The following CNOT1 variants were observed in gnomAD, a reference collection of about 807,000 sequenced individuals.
CNOT1 encodes the protein CCR4-associated factor 1.
Under a neutral mutation model 273.8 loss-of-function variants are expected in CNOT1, and 15 were observed. The ratio of observed to expected loss-of-function variants is 0.05; its 90% confidence interval spans 0.04 to 0.08. CNOT1 has a LOEUF of 0.08. CNOT1 is among the 10% of genes least tolerant of loss of function. CNOT1 has a pLI of 1.00. For synonymous variants in CNOT1, 1,022 were observed against 1,005.5 expected (o/e 1.02, Z -0.31); for missense variants, 1,644 against 2,912.2 (o/e 0.56, Z 10.02).
intron 1 of CNOT1, chr16:58,623,241 A>C (rs551926615): frequency 6.6e-6 from 1 of 152,298 alleles, no homozygotes; most frequent in South Asian, 2.1e-4. Flanking sequence ...TATTTCAAAT[A>C]ATTACTTCAA....
Position 58,551,837 on chromosome 16 carries a change from G to A in CNOT1, c.2971-18C>T, listed in dbSNP as rs1479938241. 9 of 1,610,158 alleles carry A rather than the reference G, an allele frequency of 5.6e-6. No homozygotes were observed. In the Admixed American group the frequency reaches 8.4e-5, roughly 15 times the overall value. On this transcript the variant is annotated intron_variant, in intron 22 of 48. Transcript: ENST00000317147. Reference sequence around the variant, plus strand: ...TCAATATACTAAAAGGGTAGGGAGAGGAAAAAGAGTTAACCTTAATTGCTA... The same window carrying A: ...TCAATATACTAAAAGGGTAGGGAGAAGAAAAAGAGTTAACCTTAATTGCTA...
chr16:58,560,414 T>A, intron 16 of CNOT1, 52 bp from the exon 17 acceptor site: 1 of 1,573,068 alleles, frequency 6.4e-7, no homozygotes, highest in Non-Finnish European at 8.6e-7. Context: ...CTCTAGCACA[T>A]GTAAGTAAAC....
chr16:58,594,899 G>A (rs998211472), intron 2 of CNOT1, among the ~76,000 whole-genome samples: 28 of 151,930 alleles, frequency 1.8e-4, no homozygotes, highest in African/African-American at 6.8e-4. Context: ...GGTGGATCAT[G>A]AGGTAAGGAG....
chr16:58,534,306 A>C lies in CNOT1; in HGVS notation c.5736T>G (p.Arg1912=). ...GATTGTGCTGCTGCTCAGCCTGAGCACGGTAACTGATTTCAACACACATTT... is the reference window on the plus strand; with the variant it reads ...GATTGTGCTGCTGCTCAGCCTGAGCCCGGTAACTGATTTCAACACACATTT... The part of the protein sequence containing the change: ...CTEMCVEISY[R]AQAEQQHNPA... The change falls in exon 40 of 49, where the codon CGT becomes CGG. Residue 1912 remains arginine (R), a synonymous_variant. Transcript: ENST00000317147. The C allele has an allele frequency of 1.2e-6, 2 of 1,614,184 alleles. No individual in the cohort carries two copies. Among genetic ancestry groups the C allele is most frequent in the Non-Finnish European group, 1.7e-6 (2 of 1,180,048 alleles).
At position 58,523,721 on chromosome 16, in the gene CNOT1, A is replaced by G. The variant is rs2039485401; in HGVS notation, c.6785-219T>C. ...GATTTTAAAAATATTCATTTTTAAA[A>G]ACAGACCCACTATGTGCTAATGTAA... On this transcript the variant is annotated intron_variant, in intron 46 of 48. Coordinates refer to ENST00000317147, the MANE Select transcript of CNOT1 (RefSeq NM_016284.5). The G allele has an allele frequency of 1.7e-5, 7 of 417,480 alleles. No homozygotes were observed. The South Asian group carries it at 2.7e-4, about 16-fold the overall frequency. 25.9% of individuals were successfully genotyped at this position (417,480 alleles called of 1,614,324 possible). A position where few individuals can be genotyped will look rare whatever the true frequency, so the allele number is the denominator to read the frequency against.
At chr16:58,575,233 C>T in intron 14 of CNOT1, 104 bp from the exon 15 acceptor site, 2 of 1,480,030 alleles carry the variant, frequency 1.4e-6, no homozygotes, top group South Asian at 2.6e-5. Flanking sequence ...AAATAAAACA[C>T]ACTGCTAATA....
chr16:58,560,430 G>T (rs1403760336), intron 16 of CNOT1, 68 bp from the exon 17 acceptor site: 1 of 1,483,238 alleles, frequency 6.7e-7, no homozygotes, highest in African/African-American at 1.9e-5. Context: ...TAAACCAACC[G>T]ATCTGATTTT....
intron 21 of CNOT1, 81 bp from the exon 22 acceptor site, chr16:58,553,941 C>A: frequency 6.9e-7 from 1 of 1,455,544 alleles, no homozygotes; most frequent in Non-Finnish European, 9.0e-7. Context: ...AAATGCTAAT[C>A]TAGGTCATTT....
rs778721788 is a variant in CNOT1, at chr16:58,582,745, A to AT, written c.1044+47dup. On this transcript the variant is annotated intron_variant, in intron 10 of 48. Transcript: ENST00000317147. ...CTTAAAAATTTGCTTTCTTTGGACTATATCATTCAAATACCACAAATCAAA... is the reference window on the plus strand; with the variant it reads ...CTTAAAAATTTGCTTTCTTTGGACTATTATCATTCAAATACCACAAATCAAA... 1.2e-5 allele frequency: 13 copies of AT among 1,098,724 alleles called. No homozygotes were observed. In the East Asian group the frequency reaches 3.1e-4, roughly 26 times the overall value. 68.1% of individuals were successfully genotyped at this position (1,098,724 alleles called of 1,614,324 possible). A position where few individuals can be genotyped will look rare whatever the true frequency, so the allele number is the denominator to read the frequency against.
chr16:58,528,859 T>C (rs2039683247), intron 43 of CNOT1, among the ~76,000 whole-genome samples: 1 of 151,694 alleles, frequency 6.6e-6, no homozygotes, highest in Admixed American at 6.6e-5. Context: ...ATCAAGAGTT[T>C]ACAGGCTGAA....
intron 40 of CNOT1, 83 bp from the exon 41 acceptor site, chr16:58,532,478 T>C: frequency 6.5e-7 from 1 of 1,540,236 alleles, no homozygotes; most frequent in South Asian, 1.2e-5. Context: ...AAACTTTGCA[T>C]TCTTAAACCC....
intron 1 of CNOT1, chr16:58,624,881 G>T (rs931011893): frequency 6.6e-6 from 1 of 151,972 alleles, no homozygotes; most frequent in African/African-American, 2.4e-5. Flanking sequence ...CTCAAACTAC[G>T]CTTTCCAGTG....
intron 2 of CNOT1, among the ~76,000 whole-genome samples, chr16:58,592,967 AG>A (rs1269021971): frequency 1.3e-5 from 2 of 152,198 alleles, no homozygotes; most frequent in African/African-American, 4.8e-5. Flanking sequence ...GAAAACAGAA[AG>A]GGGAGACTAC....
At chr16:58,532,459 A>C in intron 40 of CNOT1, 64 bp from the exon 41 acceptor site, 1 of 1,568,408 alleles carries the variant, frequency 6.4e-7, no homozygotes, top group Non-Finnish European at 8.7e-7. Flanking sequence ...CTTCGATGTC[A>C]TGCTTTTTAA....
chr16:58,581,868 G>A (rs548066143), intron 10 of CNOT1, among the ~76,000 whole-genome samples: 1 of 151,958 alleles, frequency 6.6e-6, no homozygotes. Context: ...TCGCCATGCT[G>A]GCCAGGATGG....
Position 58,523,457 on chromosome 16 carries a change from G to A in CNOT1, c.6830C>T (p.Pro2277Leu). 1 of 1,613,976 alleles carries A rather than the reference G, an allele frequency of 6.2e-7. No individual in the cohort carries two copies. Among genetic ancestry groups the A allele is most frequent in the African/African-American group, 1.3e-5 (1 of 75,038 alleles). Residue 2277 changes from proline (P) to leucine (L), a missense_variant, in exon 47 of 49, where the codon CCA becomes CTA. By Grantham distance (98) the Pro-to-Leu change is moderately conservative (BLOSUM62 -3). This residue lies in a region of CNOT1 where 140 missense variants were observed against 324.6 expected (regional missense o/e 0.43). Transcript: ENST00000317147. ...LNAIANQLRY[P>L]NSHTHYFSCT... is the part of the protein sequence containing the mutation. ...ACTGAAGTAGTGAGTGTGGCTATTT[G>A]GGTACCGGAGCTGATTTGCAATTGC...
rs140641369 is a variant in CNOT1, at chr16:58,546,272, A to G, written c.4006+49T>C. 554 of 1,478,338 alleles carry G rather than the reference A, an allele frequency of 3.7e-4. 2 individuals are homozygous for G. The African/African-American group carries it at 5.3e-3, about 14-fold the overall frequency. 91.6% of individuals were successfully genotyped at this position (1,478,338 alleles called of 1,614,324 possible). A position where few individuals can be genotyped will look rare whatever the true frequency, so the allele number is the denominator to read the frequency against. On this transcript the variant is annotated intron_variant, in intron 29 of 48. Transcript: ENST00000317147. ...TATACATGGACAAGTACCATTTAAG[A>G]TAGTATCCTAGCTAACAGAAGCCTT...
chr16:58,536,358 A>G (rs2039930100), intron 39 of CNOT1, among the ~76,000 whole-genome samples: 1 of 152,232 alleles, frequency 6.6e-6, no homozygotes, highest in Non-Finnish European at 1.5e-5. Flanking sequence ...GCAACCAGTG[A>G]TAATAAAAAA....
intron 42 of CNOT1, among the ~76,000 whole-genome samples, chr16:58,531,714 A>C (rs1597404953): frequency 1.3e-5 from 2 of 152,148 alleles, no homozygotes; most frequent in East Asian, 3.9e-4. Context: ...ATAAAAAAAA[A>C]CTTGAGAGAC....
Sources: gnomAD v4.1 joint callset for allele counts (sites outside exome capture counted in the v4.1 genomes callset) on GRCh38, gnomAD v4.1.1 for gene constraint, gnomAD v4.1.1 regional missense constraint, MANE v1.5 for transcripts, NCBI Gene and HGNC (gene_info 2026-07-23, HGNC 2026-07-21) for gene names.